The following NACC2 variants were observed in gnomAD, a reference collection of about 807,000 sequenced individuals.
NACC2 encodes the protein nucleus accumbens-associated protein 2.
NACC2 carries 8 observed loss-of-function variants against 25.1 expected under a neutral mutation model. The ratio of observed to expected loss-of-function variants is 0.32; its 90% CI spans 0.19 to 0.57. The LOEUF (loss-of-function observed/expected upper bound fraction) is 0.57, where lower values mean the gene tolerates loss of function less well. Among genes scored for constraint, NACC2 ranks in the 20% least tolerant of loss-of-function variants. The probability of loss-of-function intolerance (pLI) is 0.89; values close to 1 mark genes in which losing one functional copy is unlikely to be tolerated. For missense variants in NACC2, 644 were observed against 650.2 expected (o/e 0.99, Z 0.10); for synonymous variants, 435 against 294.7 (o/e 1.48, Z -4.88).
chr9:136,061,827 G>T (rs542703526), intron 1 of NACC2, among the ~76,000 whole-genome samples: 1 of 152,126 alleles, frequency 6.6e-6, no homozygotes, highest in African/African-American at 2.4e-5. Flanking sequence ...AGGCCATTAC[G>T]AAAAGTTGGT....
chr9:136,044,756 A>G (rs1267809104), intron 2 of NACC2, among the ~76,000 whole-genome samples: 4 of 152,236 alleles, frequency 2.6e-5, no homozygotes, highest in East Asian at 1.9e-4. Flanking sequence ...GGCCTCGGAC[A>G]TACAGCCCTG....
intron 2 of NACC2, among the ~76,000 whole-genome samples, chr9:136,017,124 C>T (rs1378618192): frequency 2.0e-5 from 3 of 152,126 alleles, no homozygotes; most frequent in Non-Finnish European, 4.4e-5. Context: ...GACACGCCAC[C>T]GCCACCGCCA....
Position 136,007,095 on chromosome 9 carries a change from T to C in NACC2, c.*4421A>G, listed in dbSNP as rs143237316. The C allele has an allele frequency of 5.2e-5, 8 of 154,528 alleles. No individual in the cohort carries two copies. In the East Asian group the frequency reaches 1.5e-3, roughly 30 times the overall value. The allele number at this position is 154,528 out of a possible 1,614,324, so 9.6% of individuals were successfully genotyped here. On this transcript the variant is annotated 3_prime_UTR_variant, in exon 6 of 6. Coordinates refer to ENST00000277554, the MANE Select transcript of NACC2 (RefSeq NM_144653.5). ...ATTTTATACTTAGTTCTTTTTTTTG[T>C]CTGCTAAAAATAGTATTGCAAGTTT...
At chr9:136,066,089 A>G (rs985683219) in intron 1 of NACC2, among the ~76,000 whole-genome samples, 2 of 151,452 alleles carry the variant, frequency 1.3e-5, no homozygotes, top group Non-Finnish European at 2.9e-5. Context: ...GCTACTCGGG[A>G]GGCTGAAACA....
chr9:136,044,022 G>C (rs905850408), intron 2 of NACC2, among the ~76,000 whole-genome samples: 1 of 152,068 alleles, frequency 6.6e-6, no homozygotes, highest in Non-Finnish European at 1.5e-5. Context: ...AAGGGGTTTC[G>C]CCATGTTGGC....
In NACC2 at chr9:136,050,449, G is replaced by A. The variant is rs1411321101; in HGVS notation, c.73C>T (p.Leu25=). 2 of 766,462 alleles carry A rather than the reference G, an allele frequency of 2.6e-6. No individual in the cohort carries two copies. The highest frequency in any genetic ancestry group is 4.8e-6 in the Non-Finnish European group (2 of 417,364). The allele number at this position is 766,462 out of a possible 1,614,324, so 47.5% of individuals were successfully genotyped here. The change falls in exon 2 of 6, where the codon CTG becomes TTG. Residue 25 remains leucine (L), a synonymous_variant. Transcript: ENST00000277554. Reference sequence around the variant, plus strand: ...GACACATCGCAGTAGAGGCCCAGCAGGCGCTGCTCGTTCAGGCAGCCCAGC... The same window carrying A: ...GACACATCGCAGTAGAGGCCCAGCAAGCGCTGCTCGTTCAGGCAGCCCAGC... ...TVLGCLNEQR[L]LGLYCDVSIV...
rs1229651352 is a variant in NACC2 at position 136,050,028 on chromosome 9, A to G, written c.494T>C (p.Val165Ala). 40 of 702,302 alleles carry G rather than the reference A, an allele frequency of 5.7e-5. No individual in the cohort carries two copies. Among genetic ancestry groups the G allele is most frequent in the Non-Finnish European group, 9.6e-5 (37 of 385,966 alleles). The allele number at this position is 702,302 out of a possible 1,614,324, so 43.5% of individuals were successfully genotyped here. ...AAAPYVVSPSVPIPLLTRVKH... is the reference protein window; with the variant it reads ...AAAPYVVSPSAPIPLLTRVKH... ...TACTCGGGTCAGCAGCGGGATGGGCACCGAGGGGGACACGACGTAGGGGGC... is the reference window on the plus strand; with the variant it reads ...TACTCGGGTCAGCAGCGGGATGGGCGCCGAGGGGGACACGACGTAGGGGGC... The change falls in exon 2 of 6, where the codon GTG (valine) becomes GCG (alanine). Residue 165 changes from valine to alanine, a missense_variant. Coordinates refer to ENST00000277554, the MANE Select transcript of NACC2 (RefSeq NM_144653.5).
Position 136,020,302 on chromosome 9 carries a change from G to A in NACC2, c.887-3873C>T, listed in dbSNP as rs182245175. Among the ~76,000 whole-genome samples, 1 of 152,266 alleles carries A rather than the reference G, an allele frequency of 6.6e-6. No homozygotes were observed. The highest frequency in any genetic ancestry group is 2.4e-5 in the African/African-American group (1 of 41,546). On this transcript the variant is annotated intron_variant, in intron 2 of 5. Coordinates refer to ENST00000277554, the MANE Select transcript of NACC2 (RefSeq NM_144653.5). This position sits in a 1 kb window ranked among gnomAD's most constrained non-coding sequence, Gnocchi z 4.7. ...CCCTGGGTTACTGATTGGGTTCTGAGGTGCTCCACGTCCTCACCAGGCAAA... is the reference window on the plus strand; with the variant it reads ...CCCTGGGTTACTGATTGGGTTCTGAAGTGCTCCACGTCCTCACCAGGCAAA...
At chr9:136,035,481 AG>A (rs889849349) in intron 2 of NACC2, among the ~76,000 whole-genome samples, 2 of 152,216 alleles carry the variant, frequency 1.3e-5, no homozygotes, top group African/African-American at 4.8e-5. Flanking sequence ...AAAAAGATAG[AG>A]GCTGAGACAC....
chr9:136,067,381 T>A (rs1029709624), intron 1 of NACC2, among the ~76,000 whole-genome samples: 1 of 152,052 alleles, frequency 6.6e-6, no homozygotes, highest in African/African-American at 2.4e-5. Flanking sequence ...GTGATGAAGA[T>A]GTTCTAAAAT....
intron 1 of NACC2, among the ~76,000 whole-genome samples, chr9:136,087,781 G>T (rs1297667239): frequency 6.6e-6 from 1 of 152,206 alleles, no homozygotes; most frequent in African/African-American, 2.4e-5. Flanking sequence ...CTGCTCAGCT[G>T]AGGACAGCCC....
intron 1 of NACC2, among the ~76,000 whole-genome samples, chr9:136,093,709 G>A (rs1011447826): frequency 6.6e-6 from 1 of 151,596 alleles, no homozygotes; most frequent in Non-Finnish European, 1.5e-5. Context: ...GACCCCAGGG[G>A]AAAACGCCAA....
At position 136,049,691 on chromosome 9, in the gene NACC2, G is replaced by T; in HGVS notation, c.831C>A (p.Thr277=). 1 of 779,338 alleles carries T rather than the reference G, an allele frequency of 1.3e-6. No homozygotes were observed. Among genetic ancestry groups the T allele is most frequent in the Non-Finnish European group, 2.4e-6 (1 of 417,468 alleles). The allele number at this position is 779,338 out of a possible 1,614,324, so 48.3% of individuals were successfully genotyped here. The part of the protein sequence containing the change: ...EDEEDDEAYD[T]MVEEQYGQMY... ...TCTGGCCGTACTGCTCCTCCACCATGGTGTCGTAGGCCTCGTCGTCCTCCT... is the reference window on the plus strand; with the variant it reads ...TCTGGCCGTACTGCTCCTCCACCATTGTGTCGTAGGCCTCGTCGTCCTCCT... The change falls in exon 2 of 6, where the codon ACC becomes ACA. Residue 277 remains threonine (T), a synonymous_variant. Coordinates refer to ENST00000277554, the MANE Select transcript of NACC2 (RefSeq NM_144653.5).
intron 2 of NACC2, among the ~76,000 whole-genome samples, chr9:136,038,330 G>C (rs1354111008): frequency 6.6e-6 from 1 of 152,158 alleles, no homozygotes; most frequent in Non-Finnish European, 1.5e-5. Context: ...GAGCCCAGGC[G>C]TTCCAGACCA....
At chr9:136,083,893 C>T (rs536727740) in intron 1 of NACC2, among the ~76,000 whole-genome samples, 1 of 152,308 alleles carries the variant, frequency 6.6e-6, no homozygotes, top group Non-Finnish European at 1.5e-5. Context: ...CCACCAAGAA[C>T]CTGGCTGGCC....
At chr9:136,048,863 C>T (rs1403529414) in intron 2 of NACC2, among the ~76,000 whole-genome samples, 5 of 152,222 alleles carry the variant, frequency 3.3e-5, no homozygotes, top group Non-Finnish European at 5.9e-5. Flanking sequence ...CTACACTGCC[C>T]CTCGGGGTCC....
intron 1 of NACC2, among the ~76,000 whole-genome samples, chr9:136,079,006 C>T (rs1399214145): frequency 6.6e-6 from 1 of 152,216 alleles, no homozygotes; most frequent in Admixed American, 6.5e-5. Flanking sequence ...TAACGGTTCC[C>T]GAGGGAGCAC....
chr9:136,091,646 G>T lies in NACC2; in HGVS notation c.-60+3543C>A, dbSNP rs566780454. The stretch of plus-strand genomic sequence containing the variant: ...CGCTCTGCTGAGACCCTATACAAGG[G>T]TGTGTGCTTCCAAAACCCAAACCGT... On this transcript the variant is annotated intron_variant, in intron 1 of 5. Coordinates refer to ENST00000277554, the MANE Select transcript of NACC2 (RefSeq NM_144653.5). Among the ~76,000 whole-genome samples, 77 of 152,316 alleles carry T rather than the reference G, an allele frequency of 5.1e-4. 1 individual carries two copies. Among genetic ancestry groups the T allele is most frequent in the African/African-American group, 1.8e-3 (73 of 41,568 alleles).
intron 1 of NACC2, among the ~76,000 whole-genome samples, chr9:136,065,312 T>G (rs556584394): frequency 6.6e-6 from 1 of 152,098 alleles, no homozygotes; most frequent in African/African-American, 2.4e-5. Context: ...TAGTGGGACC[T>G]CGTATCTACA....
Sources: allele counts gnomAD v4.1 joint callset (sites outside exome capture counted in the v4.1 genomes callset), GRCh38; gene constraint gnomAD v4.1.1; non-coding constraint Gnocchi (gnomAD v3.1); transcripts MANE v1.5; gene names NCBI Gene and HGNC (gene_info 2026-07-23, HGNC 2026-07-21).